Variants in STAU2 observed in about 807,000 individuals in gnomAD.
STAU2 encodes staufen double-stranded RNA binding protein 2.
In STAU2, 20 loss-of-function variants were observed where a neutral mutation model predicts 65.9. That is an observed-to-expected ratio of 0.30 (90% CI 0.21 to 0.44). The LOEUF (loss-of-function observed/expected upper bound fraction) is 0.44, where lower values mean the gene tolerates loss of function less well. Among genes scored for constraint, STAU2 ranks in the 20% least tolerant of loss-of-function variants. The probability of loss-of-function intolerance (pLI) is 1.00; values close to 1 mark genes in which losing one functional copy is unlikely to be tolerated. For synonymous variants in STAU2, 232 were observed against 233.9 expected, an observed-to-expected ratio of 0.99 and a Z score of 0.07; for missense variants, 558 against 683.9, an observed-to-expected ratio of 0.82 and a Z score of 2.05.
At chr8:73,515,753 C>G (rs1822667418) in intron 13 of STAU2, among the ~76,000 whole-genome samples, 1 of 149,970 alleles carries the variant, frequency 6.7e-6, no homozygotes, top group South Asian at 2.1e-4. Flanking sequence ...CAACCTTCTC[C>G]CTGTGCTGAA....
chr8:73,692,098 T>C (rs1216386710), intron 4 of STAU2, among the ~76,000 whole-genome samples: 1 of 152,094 alleles, frequency 6.6e-6, no homozygotes, highest in African/African-American at 2.4e-5. Context: ...TACAAAAAGC[T>C]TGCAGGCTGG....
At chr8:73,578,997 A>G (rs1809790876) in intron 12 of STAU2, among the ~76,000 whole-genome samples, 1 of 134,082 alleles carries the variant, frequency 7.5e-6, no homozygotes, top group Non-Finnish European at 1.6e-5. Context: ...ACCCCCCCAA[A>G]AAAACCAAAA....
intron 3 of STAU2, among the ~76,000 whole-genome samples, chr8:73,727,161 C>T (rs951505601): frequency 3.9e-5 from 6 of 152,210 alleles, no homozygotes; most frequent in South Asian, 4.2e-4. Context: ...ACCCGGGAGG[C>T]AGAGGTTGCA....
chr8:73,650,009 G>A (rs1815739123), intron 6 of STAU2, among the ~76,000 whole-genome samples: 1 of 150,532 alleles, frequency 6.6e-6, no homozygotes, highest in Non-Finnish European at 1.5e-5. Flanking sequence ...ACTGGAAACT[G>A]AACATTGATA....
chr8:73,447,195 C>A lies in STAU2; in HGVS notation c.1531-24493G>T, dbSNP rs192886732. 2.8e-3 allele frequency among the ~76,000 whole-genome samples: 425 copies of A among 152,054 alleles called. 3 individuals carry two copies. Among genetic ancestry groups the A allele is most frequent in the African/African-American group, 9.7e-3 (404 of 41,486 alleles). The stretch of plus-strand genomic sequence containing the variant: ...TCCTGACCTCGTGATCTGCCCGCCT[C>A]GGCCTCCCAAAGTGCTGGGATTACA... On this transcript the variant is annotated intron_variant, in intron 13 of 14. Coordinates refer to ENST00000524300, the MANE Select transcript of STAU2 (RefSeq NM_001164380.2).
rs1820706282 is a variant in STAU2 at position 73,482,876 on chromosome 8, T to A, written c.1531-60174A>T. 2.0e-5 allele frequency among the ~76,000 whole-genome samples: 3 copies of A among 151,668 alleles called. No homozygotes were observed. The South Asian group carries it at 6.2e-4, about 32-fold the overall frequency. On this transcript the variant is annotated intron_variant, in intron 13 of 14. Coordinates refer to ENST00000524300, the MANE Select transcript of STAU2 (RefSeq NM_001164380.2). ...CTGTGTACTTACACCAAGGTTCAGGTGTTAAAGTACAGATGCTATTTAACC... is the reference window on the plus strand; with the variant it reads ...CTGTGTACTTACACCAAGGTTCAGGAGTTAAAGTACAGATGCTATTTAACC...
chr8:73,554,929 C>T (rs948769763), intron 12 of STAU2, among the ~76,000 whole-genome samples: 1 of 152,170 alleles, frequency 6.6e-6, no homozygotes, highest in Non-Finnish European at 1.5e-5. Context: ...GCTGTTTGAT[C>T]CCAACACATC....
chr8:73,439,915 TC>T (rs1250172867), intron 13 of STAU2: 1 of 152,276 alleles, frequency 6.6e-6, no homozygotes, highest in Non-Finnish European at 1.5e-5. Flanking sequence ...ACTACCTATA[TC>T]ATCCCACCTC....
chr8:73,441,667 A>G (rs947147109), intron 13 of STAU2: 2 of 152,240 alleles, frequency 1.3e-5, no homozygotes, highest in African/African-American at 2.4e-5. Context: ...CACCTCTTAC[A>G]CACAGTTTCA....
At chr8:73,539,737 G>A (rs1420181702) in intron 13 of STAU2, among the ~76,000 whole-genome samples, 1 of 151,950 alleles carries the variant, frequency 6.6e-6, no homozygotes, top group Non-Finnish European at 1.5e-5. Context: ...CAGCTATTCA[G>A]GAGGCTGAGG....
chr8:73,510,318 C>T (rs993353316), intron 13 of STAU2, among the ~76,000 whole-genome samples: 6 of 152,158 alleles, frequency 3.9e-5, no homozygotes, highest in Non-Finnish European at 7.3e-5. Flanking sequence ...GATCCGCCCA[C>T]CTCTGCCTCC....
chr8:73,505,533 C>T (rs1304933838), intron 13 of STAU2, among the ~76,000 whole-genome samples: 1 of 152,066 alleles, frequency 6.6e-6, no homozygotes, highest in African/African-American at 2.4e-5. Flanking sequence ...CCTAAAAATG[C>T]ATGGTGACAT....
chr8:73,581,132 T>C (rs538835743), intron 12 of STAU2, among the ~76,000 whole-genome samples: 1 of 152,168 alleles, frequency 6.6e-6, no homozygotes, highest in Non-Finnish European at 1.5e-5. Flanking sequence ...ATGAGATGTA[T>C]CCCTTAGCAA....
intron 13 of STAU2, among the ~76,000 whole-genome samples, chr8:73,469,910 T>C (rs1819889501): frequency 6.6e-6 from 1 of 152,154 alleles, no homozygotes; most frequent in African/African-American, 2.4e-5. Context: ...AGATATATTT[T>C]TGTTTTTATA....
At chr8:73,697,320 A>G (rs1335998379) in intron 4 of STAU2, 1 of 152,238 alleles carries the variant, frequency 6.6e-6, no homozygotes, top group East Asian at 1.9e-4. Flanking sequence ...AGAATAGTAT[A>G]TCTGGTGAAA....
At chr8:73,553,464 T>C (rs1246812556) in intron 12 of STAU2, among the ~76,000 whole-genome samples, 1 of 152,208 alleles carries the variant, frequency 6.6e-6, no homozygotes, top group African/African-American at 2.4e-5. Flanking sequence ...AATTACATAA[T>C]ACAAATGCCT....
intron 13 of STAU2, among the ~76,000 whole-genome samples, chr8:73,437,605 G>C (rs975328305): frequency 2.0e-5 from 3 of 152,172 alleles, no homozygotes; most frequent in Admixed American, 6.5e-5. Context: ...CCATGTTTGT[G>C]GCAATTTGTC....
At chr8:73,602,012 G>A (rs898547585) in intron 10 of STAU2, among the ~76,000 whole-genome samples, 4 of 152,054 alleles carry the variant, frequency 2.6e-5, no homozygotes, top group African/African-American at 9.7e-5. Flanking sequence ...ATAACATCTT[G>A]ACAATAATGT....
At chr8:73,474,868 A>C (rs1820232860) in intron 13 of STAU2, among the ~76,000 whole-genome samples, 1 of 152,228 alleles carries the variant, frequency 6.6e-6, no homozygotes, top group Admixed American at 6.5e-5. Flanking sequence ...AATATTATTC[A>C]ACATAGCTAA....
Sources: gnomAD v4.1 joint callset for allele counts (sites outside exome capture counted in the v4.1 genomes callset) on GRCh38, gnomAD v4.1.1 for gene constraint, MANE v1.5 for transcripts, NCBI Gene and HGNC (gene_info 2026-07-23, HGNC 2026-07-21) for gene names.